Variants in CNTNAP5 observed in about 807,000 individuals in gnomAD.
CNTNAP5 encodes the protein contactin-associated protein-like 5.
In CNTNAP5, 72 loss-of-function variants were observed where a neutral mutation model predicts 150.2. The ratio of observed to expected loss-of-function variants is 0.48; its 90% confidence interval spans 0.40 to 0.58. The LOEUF is 0.58. Ranked by LOEUF, CNTNAP5 falls within the 20% of genes least tolerant of loss-of-function variation. The pLI is 0.00. For synonymous variants in CNTNAP5, 672 were observed against 619.8 expected (o/e 1.08, Z -1.25); for missense variants, 1,636 against 1,626.2 (o/e 1.01, Z -0.10).
At chr2:124,060,086 G>A (rs1222293151) in intron 1 of CNTNAP5, among the ~76,000 whole-genome samples, 1 of 152,116 alleles carries the variant, frequency 6.6e-6, no homozygotes, top group African/African-American at 2.4e-5. Flanking sequence ...TGACACTTAT[G>A]AGAAGTTTAA....
intron 13 of CNTNAP5, among the ~76,000 whole-genome samples, chr2:124,707,146 A>G (rs755464440): frequency 0.03 from 1,231 of 41,386 alleles, 25 homozygotes; most frequent in Admixed American, 0.049. Flanking sequence ...AAGAGGAAGA[A>G]GAAGAAGAAG....
chr2:124,377,097 T>A (rs1439573655), intron 3 of CNTNAP5, among the ~76,000 whole-genome samples: 1 of 152,112 alleles, frequency 6.6e-6, no homozygotes, highest in Non-Finnish European at 1.5e-5. Flanking sequence ...AAAAAATCTT[T>A]AATAGCCTTA....
At chr2:124,209,838 C>A (rs983496310) in intron 1 of CNTNAP5, among the ~76,000 whole-genome samples, 1 of 152,082 alleles carries the variant, frequency 6.6e-6, no homozygotes, top group African/African-American at 2.4e-5. Context: ...GAATTTCTTG[C>A]CTGGAGAGAT....
Position 124,629,285 on chromosome 2 carries a change from C to G in CNTNAP5, c.1877-18473C>G, listed in dbSNP as rs116239154. Among the ~76,000 whole-genome samples, 405 of 152,228 alleles carry G rather than the reference C, an allele frequency of 2.7e-3. 2 individuals carry two copies. The highest frequency in any genetic ancestry group is 0.017 in the Middle Eastern group (5 of 294). On this transcript the variant is annotated intron_variant, in intron 12 of 23. Coordinates refer to ENST00000682447, the MANE Select transcript of CNTNAP5 (RefSeq NM_001367498.1). ...TTTTCCTGGCACCACAGGGCACTTACTCTAAAATTGATCACATAACTGAAA... is the reference window on the plus strand; with the variant it reads ...TTTTCCTGGCACCACAGGGCACTTAGTCTAAAATTGATCACATAACTGAAA...
At chr2:124,751,080 A>C (rs750652684) in intron 14 of CNTNAP5, among the ~76,000 whole-genome samples, 1 of 152,140 alleles carries the variant, frequency 6.6e-6, no homozygotes, top group Non-Finnish European at 1.5e-5. Flanking sequence ...TGGCGAGAGA[A>C]ATAAGCACAG....
intron 13 of CNTNAP5, among the ~76,000 whole-genome samples, chr2:124,716,004 A>G (rs1679936895): frequency 6.6e-6 from 1 of 152,200 alleles, no homozygotes; most frequent in African/African-American, 2.4e-5. Context: ...ACTGAGGTAT[A>G]TGTTTACATA....
chr2:124,713,308 CTCTTTCTTTCCTT>C (rs1335167384), intron 13 of CNTNAP5, among the ~76,000 whole-genome samples: 36 of 57,414 alleles, frequency 6.3e-4, no homozygotes, highest in African/African-American at 1.9e-3. Context: ...TTTCTTCTTT[CTCTTTCTTTCCTT>C]TCTTTCTTTC....
intron 5 of CNTNAP5, among the ~76,000 whole-genome samples, chr2:124,445,153 G>A (rs181719053): frequency 5.4e-5 from 8 of 149,488 alleles, no homozygotes; most frequent in African/African-American, 1.2e-4. Flanking sequence ...GCAGTGGCGC[G>A]ATCTCAGCTC....
intron 1 of CNTNAP5, among the ~76,000 whole-genome samples, chr2:124,191,932 A>G (rs1685467258): frequency 6.6e-6 from 1 of 151,730 alleles, no homozygotes; most frequent in Non-Finnish European, 1.5e-5. Flanking sequence ...AAGTAAAAAG[A>G]AAAATACAAA....
chr2:124,545,727 A>G (rs1695496519), intron 10 of CNTNAP5, among the ~76,000 whole-genome samples: 1 of 151,958 alleles, frequency 6.6e-6, no homozygotes, highest in Non-Finnish European at 1.5e-5. Flanking sequence ...TCACATAAAG[A>G]CCTATACCAG....
chr2:124,404,291 A>T (rs1368151804), intron 3 of CNTNAP5, among the ~76,000 whole-genome samples: 1 of 152,222 alleles, frequency 6.6e-6, no homozygotes. Context: ...GTAGTTAGGC[A>T]AATTAATAAC....
chr2:124,584,282 C>A (rs538805665), intron 11 of CNTNAP5, among the ~76,000 whole-genome samples: 1 of 152,268 alleles, frequency 6.6e-6, no homozygotes, highest in African/African-American at 2.4e-5. Context: ...TAGCCCAGAG[C>A]TTTCTGCCTC....
chr2:124,155,077 T>G (rs1472910285), intron 1 of CNTNAP5, among the ~76,000 whole-genome samples: 14 of 8,106 alleles, frequency 1.7e-3, no homozygotes, highest in African/African-American at 3.7e-3. Flanking sequence ...CCATTCCCGT[T>G]TTTTTTTTTT....
chr2:124,120,183 G>C (rs1480044160), intron 1 of CNTNAP5, among the ~76,000 whole-genome samples: 1 of 152,162 alleles, frequency 6.6e-6, no homozygotes, highest in Non-Finnish European at 1.5e-5. Context: ...GTTATGTCTT[G>C]TGATAACCAT....
At chr2:124,820,672 TA>T (rs1206915124) in intron 19 of CNTNAP5, among the ~76,000 whole-genome samples, 3 of 152,210 alleles carry the variant, frequency 2.0e-5, no homozygotes, top group African/African-American at 7.2e-5. Flanking sequence ...AATCTTCTCT[TA>T]AATATGGTAG....
chr2:124,434,787 T>C (rs1692487375), intron 5 of CNTNAP5, 100 bp downstream of exon 5: 1 of 1,001,684 alleles, frequency 1.0e-6, no homozygotes, highest in Non-Finnish European at 1.5e-6. Context: ...TGGAAGTCAC[T>C]GGAGCACAAT....
intron 21 of CNTNAP5, among the ~76,000 whole-genome samples, chr2:124,873,455 A>T (rs762963054): frequency 6.6e-6 from 1 of 152,142 alleles, no homozygotes; most frequent in Non-Finnish European, 1.5e-5. Context: ...AATGGGAGAC[A>T]TCTGCTCACT....
At chr2:124,425,432 G>C (rs1410023980) in intron 4 of CNTNAP5, among the ~76,000 whole-genome samples, 1 of 152,224 alleles carries the variant, frequency 6.6e-6, no homozygotes, top group African/African-American at 2.4e-5. Context: ...GAAGCAGCTT[G>C]TCATTGCAGG....
chr2:124,608,762 T>C (rs1380310173), intron 11 of CNTNAP5, among the ~76,000 whole-genome samples: 1 of 152,014 alleles, frequency 6.6e-6, no homozygotes, highest in African/African-American at 2.4e-5. Flanking sequence ...CTGATCAATA[T>C]GGTGAAACCC....
Sources: allele counts gnomAD v4.1 joint callset (sites outside exome capture counted in the v4.1 genomes callset), GRCh38; gene constraint gnomAD v4.1.1; transcripts MANE v1.5; gene names NCBI Gene and HGNC (gene_info 2026-07-23, HGNC 2026-07-21).